Variants in RASAL2 observed in about 807,000 individuals in gnomAD.
The protein encoded by RASAL2 is ras GTPase-activating protein nGAP.
RASAL2 carries 58 observed loss-of-function variants against 128.9 expected under a neutral mutation model. The ratio of observed to expected loss-of-function variants is 0.45; its 90% CI spans 0.36 to 0.56. RASAL2 has a LOEUF of 0.56. RASAL2 is among the 20% of genes least tolerant of loss of function. RASAL2 has a pLI of 0.00. For missense variants in RASAL2, 1,360 were observed against 1,601.6 expected, an observed-to-expected ratio of 0.85 and a Z score of 2.57; for synonymous variants, 561 against 580.8, an observed-to-expected ratio of 0.97 and a Z score of 0.49.
intron 4 of RASAL2, among the ~76,000 whole-genome samples, chr1:178,403,133 T>A (rs1225401661): frequency 6.6e-6 from 1 of 151,972 alleles, no homozygotes; most frequent in African/African-American, 2.4e-5. Context: ...CAATAAAATT[T>A]AAAAAAAATC....
intron 16 of RASAL2, among the ~76,000 whole-genome samples, chr1:178,466,568 C>T (rs1209825678): frequency 3.3e-5 from 5 of 152,142 alleles, no homozygotes; most frequent in Admixed American, 2.6e-4. Context: ...GTATAGCACT[C>T]GACATGGGAC....
At chr1:178,328,916 CT>C (rs1669163155) in intron 3 of RASAL2, among the ~76,000 whole-genome samples, 1 of 152,214 alleles carries the variant, frequency 6.6e-6, no homozygotes, top group South Asian at 2.1e-4. Flanking sequence ...TCTCTCTTCT[CT>C]TCCTCTCCCC....
Position 178,119,545 on chromosome 1 carries a change from G to A in RASAL2, c.202+24851G>A, listed in dbSNP as rs538178295. On this transcript the variant is annotated intron_variant, in intron 1 of 17. Coordinates refer to ENST00000367649, the MANE Select transcript of RASAL2 (RefSeq NM_170692.4). Reference sequence around the variant, plus strand: ...TTGACCCAAGTAGTGAAACCAGAAAGCTGTCCAGTCATGGCAGTCACTCCA... The same window carrying A: ...TTGACCCAAGTAGTGAAACCAGAAAACTGTCCAGTCATGGCAGTCACTCCA... Among the ~76,000 whole-genome samples, 7 of 152,300 alleles carry A rather than the reference G, an allele frequency of 4.6e-5. No homozygotes were observed. In the East Asian group the frequency reaches 1.3e-3, roughly 29 times the overall value.
Position 178,443,226 on chromosome 1 carries a change from C to T in RASAL2, c.1479C>T (p.Ala493=), listed in dbSNP as rs1313959424. 6.3e-7 allele frequency: 1 copy of T among 1,598,276 alleles called. No individual in the cohort carries two copies. Among genetic ancestry groups the T allele is most frequent in the African/African-American group, 1.3e-5 (1 of 74,514 alleles). The change falls in exon 8 of 18, where the codon GCC becomes GCT. Residue 493 remains alanine (A), a synonymous_variant. Transcript: ENST00000367649. The stretch of plus-strand genomic sequence containing the variant: ...ACATTCTTCAAAGTACTGGCAGAGC[C>T]AAGGTAAGTGGAAAAGGGGGATTGC... ...LVHILQSTGR[A]KDFLTDLVMS... is the part of the protein sequence containing the mutation.
intron 1 of RASAL2, among the ~76,000 whole-genome samples, chr1:178,281,787 T>TA (rs1204663650): frequency 2.6e-5 from 4 of 152,216 alleles, no homozygotes; most frequent in Non-Finnish European, 5.9e-5. Flanking sequence ...TATTTGACTC[T>TA]AAAAATAGGC....
chr1:178,459,020 A>C (rs1184544884), intron 14 of RASAL2, among the ~76,000 whole-genome samples: 2 of 152,160 alleles, frequency 1.3e-5, no homozygotes, highest in Non-Finnish European at 2.9e-5. Context: ...ACAAAGTCCC[A>C]TGTGGCTTTT....
At position 178,094,468 on chromosome 1, in the gene RASAL2, C is replaced by T. The variant is rs779061978; in HGVS notation, c.-25C>T. The T allele has an allele frequency of 1.5e-5, 23 of 1,527,350 alleles. No homozygotes were observed. Among genetic ancestry groups the T allele is most frequent in the Non-Finnish European group, 1.8e-5 (20 of 1,137,654 alleles). The allele number at this position is 1,527,350 out of a possible 1,614,324, so 94.6% of individuals were successfully genotyped here. A position where few individuals can be genotyped will look rare whatever the true frequency, so the allele number is the denominator to read the frequency against. ...CCAGCCCGCCCCGAAGCCGCCGCCT[C>T]GTCCCCCTCCCGCCTCGGGGCACCA... On this transcript the variant is annotated 5_prime_UTR_variant, in exon 1 of 18. Coordinates refer to ENST00000367649, the MANE Select transcript of RASAL2 (RefSeq NM_170692.4).
rs144610817 is a variant in RASAL2 at position 178,209,505 on chromosome 1, A to G, written c.203-74059A>G. On this transcript the variant is annotated intron_variant, in intron 1 of 17. Coordinates refer to ENST00000367649, the MANE Select transcript of RASAL2 (RefSeq NM_170692.4). Reference sequence around the variant, plus strand: ...TTTTCTCATCTTTTTCCATTCCTATATAGGTGACCTTTATATTCACCTCTC... The same window carrying G: ...TTTTCTCATCTTTTTCCATTCCTATGTAGGTGACCTTTATATTCACCTCTC... Among the ~76,000 whole-genome samples, 112 of 152,232 alleles carry G rather than the reference A, an allele frequency of 7.4e-4. 2 individuals are homozygous for G. In the East Asian group the frequency reaches 0.015, roughly 20 times the overall value.
intron 1 of RASAL2, among the ~76,000 whole-genome samples, chr1:178,097,535 C>T (rs1658737886): frequency 6.6e-6 from 1 of 152,130 alleles, no homozygotes; most frequent in Non-Finnish European, 1.5e-5. Flanking sequence ...AATGTTTTCA[C>T]AAGATAGGAA....
chr1:178,407,499 T>C (rs1301773027), intron 4 of RASAL2, among the ~76,000 whole-genome samples: 1 of 152,186 alleles, frequency 6.6e-6, no homozygotes, highest in Non-Finnish European at 1.5e-5. Flanking sequence ...GATTTTAATT[T>C]ACTAATAAAC....
intron 5 of RASAL2, among the ~76,000 whole-genome samples, chr1:178,433,774 G>A (rs1449866659): frequency 1.3e-5 from 2 of 151,986 alleles, no homozygotes; most frequent in Non-Finnish European, 2.9e-5. Flanking sequence ...TTAACTGGGA[G>A]TGGTTGGTGG....
intron 4 of RASAL2, among the ~76,000 whole-genome samples, chr1:178,390,584 G>T (rs973008850): frequency 6.3e-4 from 95 of 151,954 alleles, no homozygotes; most frequent in Non-Finnish European, 9.7e-4. Context: ...TTACCACATT[G>T]GCCAGGCTGG....
chr1:178,425,455 C>T (rs1350861518), intron 5 of RASAL2, among the ~76,000 whole-genome samples: 1 of 152,004 alleles, frequency 6.6e-6, no homozygotes, highest in Non-Finnish European at 1.5e-5. Context: ...ATAATTCTCA[C>T]TTAGATGACA....
At chr1:178,215,220 T>C (rs537146474) in intron 1 of RASAL2, among the ~76,000 whole-genome samples, 1 of 152,246 alleles carries the variant, frequency 6.6e-6, no homozygotes, top group Non-Finnish European at 1.5e-5. Flanking sequence ...GTTTCTTGAC[T>C]CTGGTCATGT....
intron 1 of RASAL2, among the ~76,000 whole-genome samples, chr1:178,251,696 A>T (rs1372288535): frequency 6.6e-6 from 1 of 152,194 alleles, no homozygotes; most frequent in African/African-American, 2.4e-5. Flanking sequence ...CAGTTCAATA[A>T]TTATTGATCA....
intron 3 of RASAL2, among the ~76,000 whole-genome samples, chr1:178,313,520 T>C (rs1332810030): frequency 6.6e-6 from 1 of 151,764 alleles, no homozygotes; most frequent in Non-Finnish European, 1.5e-5. Flanking sequence ...AGACAGGGTC[T>C]CACTCTGTCA....
At chr1:178,229,143 G>A (rs1663899816) in intron 1 of RASAL2, among the ~76,000 whole-genome samples, 1 of 151,970 alleles carries the variant, frequency 6.6e-6, no homozygotes, top group African/African-American at 2.4e-5. Context: ...AGAATAAGTT[G>A]GAAACATTGT....
In RASAL2 at chr1:178,363,361, A is replaced by G. The variant is rs575682242; in HGVS notation, c.458-26739A>G. 2.5e-4 allele frequency among the ~76,000 whole-genome samples: 38 copies of G among 152,058 alleles called. 1 individual carries two copies. The South Asian group carries it at 7.3e-3, about 29-fold the overall frequency. On this transcript the variant is annotated intron_variant, in intron 3 of 17. Coordinates refer to ENST00000367649, the MANE Select transcript of RASAL2 (RefSeq NM_170692.4). ...GCCCATTTTTTAATTAGGTTATTCA[A>G]TTTTTTGGCATTGCATCGTTATATA...
intron 1 of RASAL2, among the ~76,000 whole-genome samples, chr1:178,130,627 G>A (rs955539274): frequency 2.0e-5 from 3 of 152,090 alleles, no homozygotes; most frequent in Non-Finnish European, 4.4e-5. Context: ...ATTTAGTCCT[G>A]GTCTTTAGAT....
Sources: gnomAD v4.1 joint callset for allele counts (sites outside exome capture counted in the v4.1 genomes callset) on GRCh38, gnomAD v4.1.1 for gene constraint, MANE v1.5 for transcripts, NCBI Gene and HGNC (gene_info 2026-07-23, HGNC 2026-07-21) for gene names.